Variants in TMEM132C observed in about 807,000 individuals in gnomAD.
The protein encoded by TMEM132C is protein phosphatase 1, regulatory subunit 152.
In TMEM132C, 29 loss-of-function variants were observed where a neutral mutation model predicts 61.4. The observed-to-expected ratio is 0.47, with a 90% CI of 0.35 to 0.64. TMEM132C has a LOEUF of 0.64. Among genes scored for constraint, TMEM132C ranks in the 30% least tolerant of loss-of-function variants. The pLI is 0.00. For synonymous variants in TMEM132C, 656 were observed against 633.1 expected, an observed-to-expected ratio of 1.04 and a Z score of -0.54; for missense variants, 1,408 against 1,476.9, an observed-to-expected ratio of 0.95 and a Z score of 0.76.
chr12:128,394,112 C>T (rs1161681393), intron 1 of TMEM132C, among the ~76,000 whole-genome samples: 1 of 152,160 alleles, frequency 6.6e-6, no homozygotes, highest in Non-Finnish European at 1.5e-5. Context: ...AAAGGCGTGT[C>T]TTACATGGCG....
At chr12:128,284,259 A>G (rs753775430) in intron 1 of TMEM132C, among the ~76,000 whole-genome samples, 3 of 152,216 alleles carry the variant, frequency 2.0e-5, no homozygotes, top group Non-Finnish European at 4.4e-5. Flanking sequence ...TACAGCATCT[A>G]AACAGTCATT....
At chr12:128,475,402 G>A (rs1871124693) in intron 2 of TMEM132C, among the ~76,000 whole-genome samples, 3 of 152,160 alleles carry the variant, frequency 2.0e-5, no homozygotes. Context: ...GGTTTTGGTA[G>A]GGGAAGAAAT....
chr12:128,454,505 A>G (rs1870280147), intron 2 of TMEM132C, among the ~76,000 whole-genome samples: 1 of 152,232 alleles, frequency 6.6e-6, no homozygotes, highest in East Asian at 1.9e-4. Flanking sequence ...GAAGGTTAAA[A>G]TGACCATTTG....
chr12:128,511,037 G>T (rs1389210880), intron 2 of TMEM132C, among the ~76,000 whole-genome samples: 1 of 152,244 alleles, frequency 6.6e-6, no homozygotes, highest in Non-Finnish European at 1.5e-5. Flanking sequence ...GAGCTGGCAG[G>T]CATGGAGTGG....
At chr12:128,271,468 G>A (rs185850368) in intron 1 of TMEM132C, among the ~76,000 whole-genome samples, 1 of 151,996 alleles carries the variant, frequency 6.6e-6, no homozygotes, top group Non-Finnish European at 1.5e-5. Flanking sequence ...GTTGCATATA[G>A]AATTTTATCA....
chr12:128,339,627 A>G (rs535315655), intron 1 of TMEM132C, among the ~76,000 whole-genome samples: 2 of 148,626 alleles, frequency 1.3e-5, no homozygotes, highest in Non-Finnish European at 3.0e-5. Context: ...TCTTCATCTC[A>G]TTCACCCCTG....
At chr12:128,572,377 C>T (rs1013763054) in intron 3 of TMEM132C, among the ~76,000 whole-genome samples, 2 of 150,126 alleles carry the variant, frequency 1.3e-5, no homozygotes, top group Non-Finnish European at 3.0e-5. Flanking sequence ...CTGCTGATCT[C>T]TGATTAGTCA....
At chr12:128,510,656 A>G (rs955695488) in intron 2 of TMEM132C, among the ~76,000 whole-genome samples, 2 of 152,220 alleles carry the variant, frequency 1.3e-5, no homozygotes, top group Non-Finnish European at 2.9e-5. Context: ...TCAGATGGAC[A>G]TGAACCTGGT....
intron 1 of TMEM132C, among the ~76,000 whole-genome samples, chr12:128,408,042 C>T (rs1875407626): frequency 1.8e-5 from 2 of 113,604 alleles, no homozygotes; most frequent in African/African-American, 6.2e-5. Context: ...TCTGTCTCTT[C>T]TTAACTCAAG....
At chr12:128,544,575 AAAT>A (rs992119123) in intron 3 of TMEM132C, among the ~76,000 whole-genome samples, 6 of 152,322 alleles carry the variant, frequency 3.9e-5, no homozygotes, top group African/African-American at 1.4e-4. Flanking sequence ...TGATTTTTTA[AAAT>A]AATTGTTTTC....
rs1162756820 is a variant in TMEM132C at position 128,534,289 on chromosome 12, C to T, written c.975-9668C>T. ...CGTGCCTTGTAGATGGCGTGAGCCC[C>T]GTTCAGGTAACCCAGATGGGACCAG... On this transcript the variant is annotated intron_variant, in intron 2 of 8. Coordinates refer to ENST00000435159, the MANE Select transcript of TMEM132C (RefSeq NM_001136103.3). Among the ~76,000 whole-genome samples the T allele has an allele frequency of 2.0e-5, 3 of 152,304 alleles. No individual in the cohort carries two copies. In the East Asian group the frequency reaches 5.8e-4, roughly 29 times the overall value.
intron 4 of TMEM132C, among the ~76,000 whole-genome samples, chr12:128,623,597 A>G (rs949166794): frequency 1.6e-4 from 24 of 152,066 alleles, no homozygotes; most frequent in Admixed American, 3.3e-4. Context: ...GCCTGAGCTC[A>G]GGAGTTCGAA....
intron 2 of TMEM132C, among the ~76,000 whole-genome samples, chr12:128,418,204 C>T (rs1376955850): frequency 6.6e-6 from 1 of 152,184 alleles, no homozygotes; most frequent in East Asian, 1.9e-4. Context: ...GTTCCCCAAA[C>T]ACGTGTGCAA....
intron 2 of TMEM132C, among the ~76,000 whole-genome samples, chr12:128,518,112 C>T (rs752211208): frequency 6.6e-6 from 1 of 152,190 alleles, no homozygotes; most frequent in Non-Finnish European, 1.5e-5. Context: ...TTATGTGGCA[C>T]AAACAAATAT....
intron 4 of TMEM132C, among the ~76,000 whole-genome samples, chr12:128,642,428 T>C (rs1954164696): frequency 6.6e-6 from 1 of 152,208 alleles, no homozygotes; most frequent in Non-Finnish European, 1.5e-5. Flanking sequence ...CCCCTCCAAA[T>C]CTCATGCTGC....
rs201956806 is a variant in TMEM132C at position 128,697,401 on chromosome 12, C to T, written c.2107C>T (p.Arg703Trp). ...TGTGGTCACAGCTGAGGAGGTGCTG[C>T]GGACCCCCAAACAGGTAGGGGGCCA... ...TAVVTAEEVL[R>W]TPKQEAVFST... The change falls in exon 8 of 9, where the codon CGG (arginine) becomes TGG (tryptophan). Residue 703 changes from arginine (R) to tryptophan (W), a missense_variant. By Grantham distance (101) the Arg-to-Trp change is moderately radical. Coordinates refer to ENST00000435159, the MANE Select transcript of TMEM132C (RefSeq NM_001136103.3). 3.5e-3 allele frequency: 5,343 copies of T among 1,539,722 alleles called. 18 individuals carry two copies. Among genetic ancestry groups the T allele is most frequent in the Non-Finnish European group, 4.5e-3 (5,068 of 1,137,986 alleles).
Position 128,320,812 on chromosome 12 carries a change from CA to C in TMEM132C, c.85+53336del, listed in dbSNP as rs34303937. Among the ~76,000 whole-genome samples, 165 of 129,140 alleles carry C rather than the reference CA, an allele frequency of 1.3e-3. 1 individual carries two copies. Among genetic ancestry groups the C allele is most frequent in the Middle Eastern group, 3.8e-3 (1 of 266 alleles). The allele number at this position is 129,140 out of a possible 152,430, so 84.7% of individuals were successfully genotyped here. ...AAACAAAAAAAGGTGAAGATAAATACAAAAAAAAAAAGAAAGAAAAAGGTGA... is the reference window on the plus strand; with the variant it reads ...AAACAAAAAAAGGTGAAGATAAATACAAAAAAAAAAGAAAGAAAAAGGTGA... On this transcript the variant is annotated intron_variant, in intron 1 of 8. Coordinates refer to ENST00000435159, the MANE Select transcript of TMEM132C (RefSeq NM_001136103.3).
chr12:128,533,187 CAGGGT>C (rs1412383461), intron 2 of TMEM132C, among the ~76,000 whole-genome samples: 1 of 152,132 alleles, frequency 6.6e-6, no homozygotes, highest in East Asian at 1.9e-4. Context: ...GCGCAATGCC[CAGGGT>C]AGAGAACACT....
chr12:128,670,032 C>G (rs142083107), intron 5 of TMEM132C, among the ~76,000 whole-genome samples: 467 of 152,298 alleles, frequency 3.1e-3, no homozygotes, highest in Middle Eastern at 0.01. Flanking sequence ...TTAATCTACT[C>G]TCTTAGCAAT....
Sources: allele counts gnomAD v4.1 joint callset (sites outside exome capture counted in the v4.1 genomes callset), GRCh38; gene constraint gnomAD v4.1.1; transcripts MANE v1.5; gene names NCBI Gene and HGNC (gene_info 2026-07-23, HGNC 2026-07-21).